The following ITPRID2 variants were observed in gnomAD, a reference collection of about 807,000 sequenced individuals.
The protein encoded by ITPRID2 is ITPR interacting domain containing 2.
ITPRID2 carries 60 observed loss-of-function variants against 124.3 expected under a neutral mutation model. The observed-to-expected ratio is 0.48, with a 90% CI of 0.39 to 0.60. The LOEUF (loss-of-function observed/expected upper bound fraction) is 0.60. Among genes scored for constraint, ITPRID2 ranks in the 20% least tolerant of loss-of-function variants. The pLI, the probability that ITPRID2 is intolerant of heterozygous loss-of-function variation, is 0.00. For missense variants in ITPRID2, 1,553 were observed against 1,512.2 expected (o/e 1.03, Z -0.45); for synonymous variants, 521 against 542.9 (o/e 0.96, Z 0.56).
In ITPRID2 at chr2:181,910,493, C is replaced by A; in HGVS notation, c.1486+522C>A. 3.3e-6 allele frequency: 2 copies of A among 609,540 alleles called. No homozygotes were observed. The highest frequency in any genetic ancestry group is 2.2e-5 in the South Asian group (1 of 45,630). 37.8% of individuals were successfully genotyped at this position (609,540 alleles called of 1,614,324 possible). A position where few individuals can be genotyped will look rare whatever the true frequency, so the allele number is the denominator to read the frequency against. ...CTCTCTTAAATTATTAATTATTGAC[C>A]AAAGAACCTTTGAATCCATCCCTTT... On this transcript the variant is annotated intron_variant, in intron 9 of 17. Coordinates refer to ENST00000431877, the MANE Select transcript of ITPRID2 (RefSeq NM_001130445.3). The surrounding 1 kb of genome is among the most constrained non-coding windows in gnomAD (Gnocchi z 4.1).
At position 181,907,699 on chromosome 2, in the gene ITPRID2, C is replaced by A. The variant is rs904357485; in HGVS notation, c.1414-2200C>A. 2.0e-5 allele frequency among the ~76,000 whole-genome samples: 3 copies of A among 152,138 alleles called. No individual in the cohort carries two copies. Among genetic ancestry groups the A allele is most frequent in the African/African-American group, 7.2e-5 (3 of 41,426 alleles). On this transcript the variant is annotated intron_variant, in intron 8 of 17. Coordinates refer to ENST00000431877, the MANE Select transcript of ITPRID2 (RefSeq NM_001130445.3). This position sits in a 1 kb window ranked among gnomAD's most constrained non-coding sequence, Gnocchi z 5.1. ...TGTGTTCTATATTTGCTTCATAATT[C>A]TCTGTGGTGTACCCCATCTCAAATT...
chr2:181,911,967 C>T (rs906096786), intron 9 of ITPRID2, among the ~76,000 whole-genome samples: 9 of 152,176 alleles, frequency 5.9e-5, no homozygotes, highest in Non-Finnish European at 1.3e-4. Flanking sequence ...TGTACTTAGA[C>T]AGGGCTTAGC....
chr2:181,898,941 T>C (rs1692437032), intron 5 of ITPRID2, 22 bp downstream of exon 5: 1 of 1,606,662 alleles, frequency 6.2e-7, no homozygotes, highest in Non-Finnish European at 8.5e-7. Context: ...TTTTGTTCTA[T>C]TTCTTTTAAA....
intron 16 of ITPRID2, among the ~76,000 whole-genome samples, chr2:181,927,404 A>C (rs946867965): frequency 2.6e-5 from 4 of 152,248 alleles, no homozygotes; most frequent in African/African-American, 9.6e-5. Context: ...GGAGATAGGC[A>C]TATGTAAGTG....
At chr2:181,926,324 TTA>T (rs1447783270) in intron 16 of ITPRID2, among the ~76,000 whole-genome samples, 2 of 152,178 alleles carry the variant, frequency 1.3e-5, no homozygotes, top group Non-Finnish European at 2.9e-5. Flanking sequence ...TCCATTGAGA[TTA>T]TATCATGCTT....
chr2:181,925,470 C>A (rs1370665509), intron 16 of ITPRID2, among the ~76,000 whole-genome samples: 1 of 152,182 alleles, frequency 6.6e-6, no homozygotes, highest in African/African-American at 2.4e-5. Context: ...TGCATTTATT[C>A]ATTCAATAAA....
At chr2:181,904,777 G>C (rs1692964442) in intron 8 of ITPRID2, among the ~76,000 whole-genome samples, 1 of 152,210 alleles carries the variant, frequency 6.6e-6, no homozygotes, top group African/African-American at 2.4e-5. Context: ...AGCTAGGAAG[G>C]AGAAAATGTT....
chr2:181,903,234 T>C (rs2125073783), intron 8 of ITPRID2, among the ~76,000 whole-genome samples: 1 of 152,346 alleles, frequency 6.6e-6, no homozygotes, highest in South Asian at 2.1e-4. Flanking sequence ...TGCTGGGCAC[T>C]GTTCTTGGCT....
intron 11 of ITPRID2, chr2:181,918,332 AG>A (rs747319457): frequency 8.6e-4 from 1,023 of 1,195,838 alleles, no homozygotes; most frequent in Non-Finnish European, 1.0e-3. Flanking sequence ...GTTTCGCAAG[AG>A]GGAAGTCCTG....
chr2:181,894,785 A>G (rs986543498), intron 2 of ITPRID2: 1 of 152,118 alleles, frequency 6.6e-6, no homozygotes, highest in Non-Finnish European at 1.5e-5. Flanking sequence ...AGATTTTGAT[A>G]GAATTTGGAA....
intron 11 of ITPRID2, chr2:181,916,868 G>A (rs775254215): frequency 1.0e-6 from 1 of 999,796 alleles, no homozygotes; most frequent in South Asian, 4.3e-5. Context: ...GTGGCACCAC[G>A]TTCTCCTGGT....
At chr2:181,918,551 G>C in intron 11 of ITPRID2, 47 bp from the exon 12 acceptor site, 1 of 1,606,230 alleles carries the variant, frequency 6.2e-7, no homozygotes, top group South Asian at 1.1e-5. Context: ...TGATTTGGAA[G>C]TATTCACTTT....
intron 2 of ITPRID2, among the ~76,000 whole-genome samples, chr2:181,895,160 A>G (rs1158067373): frequency 6.6e-6 from 1 of 152,054 alleles, no homozygotes; most frequent in African/African-American, 2.4e-5. Context: ...TGATATTTTC[A>G]TGATTGATCC....
rs770995995 is a variant in ITPRID2, at chr2:181,900,847, T to A, written c.655T>A (p.Phe219Ile). 1 of 1,613,000 alleles carries A rather than the reference T, an allele frequency of 6.2e-7. No individual in the cohort carries two copies. The highest frequency in any genetic ancestry group is 2.2e-5 in the East Asian group (1 of 44,774). The change falls in exon 7 of 18, where the codon TTT becomes ATT. Residue 219 changes from phenylalanine (F) to isoleucine (I), a missense_variant. Phe to Ile is a conservative substitution (Grantham distance 21). Transcript: ENST00000431877. ...TGCCAAAGGGATAGATATTAAAGTA[T>A]TTTTGAGTGCTCAGATGCAACGGAT... ...SFAKGIDIKV[F>I]LSAQMQRMEV...
At chr2:181,916,448 T>C in intron 11 of ITPRID2, 21 bp downstream of exon 11, 2 of 1,597,676 alleles carry the variant, frequency 1.3e-6, no homozygotes, top group Non-Finnish European at 1.7e-6. Context: ...AAGTATGTTA[T>C]CATTAGCTTT....
Position 181,930,466 on chromosome 2 carries a change from A to C in ITPRID2, c.*919A>C, listed in dbSNP as rs1695196728. ...TGAAAACTTTGTTTTTATGAAAAAAAAGGAAAATGGTTTCCCATTTGGTTT... is the reference window on the plus strand; with the variant it reads ...TGAAAACTTTGTTTTTATGAAAAAACAGGAAAATGGTTTCCCATTTGGTTT... On this transcript the variant is annotated 3_prime_UTR_variant, in exon 18 of 18. Coordinates refer to ENST00000431877, the MANE Select transcript of ITPRID2 (RefSeq NM_001130445.3). 1 of 152,580 alleles carries C rather than the reference A, an allele frequency of 6.6e-6. No homozygotes were observed. The highest frequency in any genetic ancestry group is 6.5e-5 in the Admixed American group (1 of 15,274). The allele number at this position is 152,580 out of a possible 1,614,324, so 9.5% of individuals were successfully genotyped here.
intron 8 of ITPRID2, among the ~76,000 whole-genome samples, chr2:181,908,280 A>G (rs1693312892): frequency 6.7e-6 from 1 of 150,246 alleles, no homozygotes; most frequent in Non-Finnish European, 1.5e-5. Flanking sequence ...TAAAAAAAAC[A>G]TGACAGTGAG....
intron 4 of ITPRID2, 47 bp from the exon 5 acceptor site, chr2:181,898,833 T>C (rs368220671): frequency 7.6e-6 from 10 of 1,323,404 alleles, no homozygotes; most frequent in African/African-American, 4.4e-5. Flanking sequence ...ATAGTAGTTA[T>C]AGTCCTACTA....
intron 11 of ITPRID2, chr2:181,917,812 C>A (rs1694188974): frequency 6.6e-6 from 1 of 152,340 alleles, no homozygotes; most frequent in South Asian, 2.1e-4. Context: ...GTTTCTGTTT[C>A]TCGCCCACGT....
Sources: gnomAD v4.1 joint callset for allele counts (sites outside exome capture counted in the v4.1 genomes callset) on GRCh38, gnomAD v4.1.1 for gene constraint, Gnocchi (gnomAD v3.1) non-coding constraint, MANE v1.5 for transcripts, NCBI Gene and HGNC (gene_info 2026-07-23, HGNC 2026-07-21) for gene names.